CAST: variants seen among roughly 807,000 people sequenced by gnomAD.
CAST encodes MIR583 host.
CAST carries 76 observed loss-of-function variants against 119.6 expected under a neutral mutation model. That is an observed-to-expected ratio of 0.64 (90% CI 0.53 to 0.77). The LOEUF is 0.77. CAST is among the 30% of genes least tolerant of loss of function. The pLI, the probability that CAST is intolerant of heterozygous loss-of-function variation, is 0.00. For missense variants in CAST, 953 were observed against 946.5 expected, an observed-to-expected ratio of 1.01 and a Z score of -0.09; for synonymous variants, 319 against 331.6, an observed-to-expected ratio of 0.96 and a Z score of 0.41.
At chr5:96,616,724 C>T (rs535905237) in intron 1 of CAST, among the ~76,000 whole-genome samples, 169 of 139,676 alleles carry the variant, frequency 1.2e-3, no homozygotes, top group African/African-American at 4.7e-3. Flanking sequence ...ACCAAGCGCT[C>T]GCTCGCTCTC....
At chr5:96,537,888 T>A (rs1745847246) in intron 1 of CAST, among the ~76,000 whole-genome samples, 1 of 152,188 alleles carries the variant, frequency 6.6e-6, no homozygotes, top group Admixed American at 6.5e-5. Context: ...ATATTGTATA[T>A]CATGTAGCAA....
intron 1 of CAST, among the ~76,000 whole-genome samples, chr5:96,601,179 A>G (rs1747145832): frequency 6.6e-6 from 1 of 152,050 alleles, no homozygotes; most frequent in African/African-American, 2.4e-5. Flanking sequence ...CCATTTACCT[A>G]TTACTTTCCT....
chr5:96,695,634 T>C (rs914040591), intron 2 of CAST, among the ~76,000 whole-genome samples: 2 of 152,184 alleles, frequency 1.3e-5, no homozygotes, highest in Non-Finnish European at 2.9e-5. Context: ...TTGAGACTTA[T>C]TCAACTTACT....
chr5:96,167,495 CAGGCCCGAATTCTGAGAAGGGCA>C, the CAST span, among the ~76,000 whole-genome samples: 1 of 152,290 alleles, frequency 6.6e-6, no homozygotes, highest in Non-Finnish European at 1.5e-5. Flanking sequence ...ATTCCAAGGA[CAGGCCCGAATTCTGAGAAGGGCA>C]AGTGGTAAAA....
At chr5:96,691,782 T>C (rs1225145287) in intron 2 of CAST, among the ~76,000 whole-genome samples, 1 of 152,230 alleles carries the variant, frequency 6.6e-6, no homozygotes, top group Admixed American at 6.5e-5. Flanking sequence ...GGACTCTTGC[T>C]ATATAAATCA....
chr5:96,049,242 C>A, the CAST span, among the ~76,000 whole-genome samples: 140 of 152,214 alleles, frequency 9.2e-4, no homozygotes, highest in African/African-American at 3.2e-3. Flanking sequence ...AAAAGAAGAG[C>A]TGATTTTGTC....
At chr5:96,221,374 A>C in the CAST span, among the ~76,000 whole-genome samples, 1 of 152,152 alleles carries the variant, frequency 6.6e-6, no homozygotes, top group Admixed American at 6.5e-5. Flanking sequence ...AGGCTCCATC[A>C]TAACCCTCCT....
At chr5:96,595,382 G>C (rs1000469950) in intron 1 of CAST, among the ~76,000 whole-genome samples, 1 of 152,212 alleles carries the variant, frequency 6.6e-6, no homozygotes, top group African/African-American at 2.4e-5. Context: ...ATTACGTGGA[G>C]AGTTTATGTG....
chr5:96,768,109 G>C, intron 29 of CAST, 110 bp downstream of exon 29: 5 of 770,342 alleles, frequency 6.5e-6, no homozygotes, highest in Non-Finnish European at 1.1e-5. Context: ...CTTGTAACAG[G>C]GTCTTACTCT....
chr5:96,456,481 A>G, the CAST span, among the ~76,000 whole-genome samples: 2 of 152,212 alleles, frequency 1.3e-5, no homozygotes, highest in Non-Finnish European at 2.9e-5. Context: ...TTGGAAATCT[A>G]GATGGTTTAA....
chr5:96,740,222 C>T (rs1423211182), intron 12 of CAST, 104 bp downstream of exon 12: 5 of 632,312 alleles, frequency 7.9e-6, no homozygotes, highest in Non-Finnish European at 1.4e-5. Context: ...TATAATGGTG[C>T]TTGTGAAATT....
chr5:96,521,364 G>C (rs1745516121), upstream of CAST, among the ~76,000 whole-genome samples: 1 of 152,136 alleles, frequency 6.6e-6, no homozygotes, highest in Non-Finnish European at 1.5e-5. Context: ...CACCTTACCA[G>C]GTCCCCAGTC....
the CAST span, among the ~76,000 whole-genome samples, chr5:96,206,774 G>A: frequency 3.3e-5 from 5 of 152,002 alleles, no homozygotes; most frequent in East Asian, 1.9e-4. Context: ...TAGGATTGTC[G>A]TGGCTATTTG....
chr5:96,763,348 G>T (rs1243883085), intron 25 of CAST: 1 of 744,300 alleles, frequency 1.3e-6, no homozygotes, highest in Non-Finnish European at 2.5e-6. Context: ...TGCCCCGTGT[G>T]TGTGTATGTG....
Position 96,748,548 on chromosome 5 carries a change from C to A in CAST, c.1363C>A (p.Leu455Ile), listed in dbSNP as rs771394405. The change falls in exon 19 of 32, where the codon CTT (leucine) becomes ATT (isoleucine). Residue 455 changes from leucine (L) to isoleucine (I), a missense_variant. Coordinates refer to ENST00000675179, the MANE Select transcript of CAST (RefSeq NM_001750.7). Reference sequence around the variant, plus strand: ...GAGTGAATCAGAACTCATTGATGAACTTTCAGAAGATTTTGACCGGTCTGA... The same window carrying A: ...GAGTGAATCAGAACTCATTGATGAAATTTCAGAAGATTTTGACCGGTCTGA... ...PRSESELIDE[L>I]SEDFDRSECK... The A allele has an allele frequency of 1.3e-6, 2 of 1,580,970 alleles. No homozygotes were observed. Among genetic ancestry groups the A allele is most frequent in the South Asian group, 2.2e-5 (2 of 90,218 alleles).
intron 1 of CAST, among the ~76,000 whole-genome samples, chr5:96,598,343 C>T (rs138094879): frequency 3.9e-5 from 6 of 152,182 alleles, no homozygotes; most frequent in Non-Finnish European, 1.5e-5. Context: ...TGCCCAAAGG[C>T]CAGCTAGTTC....
intron 1 of CAST, among the ~76,000 whole-genome samples, chr5:96,645,671 A>G (rs1463416788): frequency 6.6e-6 from 1 of 151,978 alleles, no homozygotes; most frequent in African/African-American, 2.4e-5. Context: ...AAATTTAAAC[A>G]ATTACCTTTT....
chr5:96,047,322 A>G, the CAST span, among the ~76,000 whole-genome samples: 1 of 152,154 alleles, frequency 6.6e-6, no homozygotes, highest in Non-Finnish European at 1.5e-5. Context: ...TTTAGGTTAG[A>G]AAAGTTTTTA....
the CAST span, among the ~76,000 whole-genome samples, chr5:96,019,614 G>A: frequency 6.6e-6 from 1 of 152,112 alleles, no homozygotes; most frequent in Non-Finnish European, 1.5e-5. Flanking sequence ...AAATTCATCT[G>A]CTTCTGATAT....
Sources: gnomAD v4.1 joint callset for allele counts (sites outside exome capture counted in the v4.1 genomes callset) on GRCh38, gnomAD v4.1.1 for gene constraint, MANE v1.5 for transcripts, NCBI Gene and HGNC (gene_info 2026-07-23, HGNC 2026-07-21) for gene names.